The following FRMD4A variants were observed in gnomAD, a reference collection of about 807,000 sequenced individuals.
FRMD4A encodes FERM domain-containing protein 4A.
In FRMD4A, 29 loss-of-function variants were observed where a neutral mutation model predicts 129.1. That is an observed-to-expected ratio of 0.22 (90% CI 0.17 to 0.31). FRMD4A has a LOEUF of 0.31. Ranked by LOEUF, FRMD4A falls within the 10% of genes least tolerant of loss-of-function variation. The probability of loss-of-function intolerance (pLI) is 1.00; values close to 1 mark genes in which losing one functional copy is unlikely to be tolerated. For synonymous variants in FRMD4A, 634 were observed against 571.6 expected (o/e 1.11, Z -1.56); for missense variants, 1,272 against 1,375.8 (o/e 0.92, Z 1.19).
intron 2 of FRMD4A, among the ~76,000 whole-genome samples, chr10:14,162,878 A>T (rs1306126379): frequency 2.6e-5 from 4 of 152,090 alleles, no homozygotes; most frequent in Non-Finnish European, 5.9e-5. Flanking sequence ...CAACCTGTAA[A>T]ATAAATTACA....
chr10:13,691,198 G>A (rs967011439), intron 15 of FRMD4A, among the ~76,000 whole-genome samples: 18 of 152,222 alleles, frequency 1.2e-4, no homozygotes, highest in African/African-American at 4.3e-4. Flanking sequence ...ACGTTAGCCA[G>A]GCTGGTCTCT....
intron 2 of FRMD4A, among the ~76,000 whole-genome samples, chr10:14,045,608 T>A (rs1833954981): frequency 1.3e-5 from 2 of 148,252 alleles, no homozygotes; most frequent in African/African-American, 4.9e-5. Context: ...TATATTACTA[T>A]AATTATGTAT....
At chr10:13,717,028 C>G (rs2088874507) in intron 12 of FRMD4A, among the ~76,000 whole-genome samples, 1 of 152,284 alleles carries the variant, frequency 6.6e-6, no homozygotes, top group East Asian at 1.9e-4. Flanking sequence ...GGTTGAATGG[C>G]TGAAGCTGTC....
intron 2 of FRMD4A, among the ~76,000 whole-genome samples, chr10:14,211,967 A>G (rs1414691767): frequency 6.6e-6 from 1 of 152,194 alleles, no homozygotes; most frequent in Non-Finnish European, 1.5e-5. Context: ...TCTGTGATGG[A>G]GACCTGTGTG....
chr10:13,901,706 A>C (rs74121774), intron 2 of FRMD4A, among the ~76,000 whole-genome samples: 2,291 of 152,236 alleles, frequency 0.015, 66 homozygotes, highest in African/African-American at 0.052. Flanking sequence ...AAGTGACATC[A>C]ATCTACCAAT....
chr10:13,843,855 A>G (rs1274332330), intron 3 of FRMD4A, among the ~76,000 whole-genome samples: 2 of 152,170 alleles, frequency 1.3e-5, no homozygotes, highest in Non-Finnish European at 2.9e-5. Flanking sequence ...CTGCTGGGGC[A>G]TCCCAGCAGC....
At chr10:13,982,499 G>T (rs1359802265) in intron 2 of FRMD4A, among the ~76,000 whole-genome samples, 4 of 130,838 alleles carry the variant, frequency 3.1e-5, no homozygotes, top group African/African-American at 1.3e-4. Flanking sequence ...GGGAGGGGAG[G>T]GGGGGGAAGG....
At chr10:14,283,139 CA>C (rs1169462449) in intron 2 of FRMD4A, among the ~76,000 whole-genome samples, 1 of 152,214 alleles carries the variant, frequency 6.6e-6, no homozygotes, top group East Asian at 1.9e-4. Context: ...TATCAAACAA[CA>C]GTGTCAACAG....
At chr10:13,673,422 C>T (rs978368219) in intron 16 of FRMD4A, among the ~76,000 whole-genome samples, 6 of 152,138 alleles carry the variant, frequency 3.9e-5, no homozygotes, top group East Asian at 1.9e-4. Flanking sequence ...GAGGGGTATA[C>T]GTCTCTTTGA....
chr10:14,261,044 G>T (rs1844783451), intron 2 of FRMD4A, among the ~76,000 whole-genome samples: 1 of 152,136 alleles, frequency 6.6e-6, no homozygotes, highest in African/African-American at 2.4e-5. Flanking sequence ...CATACAAAAT[G>T]GGATCTGGTC....
At chr10:13,819,101 C>T (rs562527872) in intron 3 of FRMD4A, among the ~76,000 whole-genome samples, 1 of 151,250 alleles carries the variant, frequency 6.6e-6, no homozygotes, top group South Asian at 2.1e-4. Flanking sequence ...ACCCTCCAGC[C>T]TGGGTGACAG....
intron 2 of FRMD4A, among the ~76,000 whole-genome samples, chr10:13,979,510 G>T: frequency 6.6e-6 from 1 of 152,224 alleles, no homozygotes; most frequent in South Asian, 2.1e-4. Flanking sequence ...GTGAGGAGCA[G>T]CAAGTCAGTG....
At chr10:13,775,510 T>A (rs1290693202) in intron 6 of FRMD4A, among the ~76,000 whole-genome samples, 1 of 152,156 alleles carries the variant, frequency 6.6e-6, no homozygotes, top group Non-Finnish European at 1.5e-5. Context: ...TATGCCAGTA[T>A]CCAAACATTT....
rs368370651 is a variant in FRMD4A at position 13,679,652 on chromosome 10, C to A, written c.1118-4608G>T. Reference sequence around the variant, plus strand: ...ACGTTCCTCAAAACAGAGCAGCTCCCCGTGAACCTGCTGCATGTATTCAGG... The same window carrying A: ...ACGTTCCTCAAAACAGAGCAGCTCCACGTGAACCTGCTGCATGTATTCAGG... On this transcript the variant is annotated intron_variant, in intron 15 of 24. Coordinates refer to ENST00000357447, the MANE Select transcript of FRMD4A (RefSeq NM_018027.5). 4.6e-5 allele frequency among the ~76,000 whole-genome samples: 7 copies of A among 151,134 alleles called. No individual in the cohort carries two copies. In the East Asian group the frequency reaches 5.8e-4, roughly 13 times the overall value.
chr10:13,808,603 C>T (rs184719811), intron 4 of FRMD4A, among the ~76,000 whole-genome samples: 1 of 152,364 alleles, frequency 6.6e-6, no homozygotes, highest in East Asian at 1.9e-4. Context: ...ACCGCCAGGA[C>T]TGACAGCCCT....
At chr10:13,733,233 A>G (rs1217168836) in intron 12 of FRMD4A, among the ~76,000 whole-genome samples, 1 of 152,198 alleles carries the variant, frequency 6.6e-6, no homozygotes, top group African/African-American at 2.4e-5. Context: ...TGGCCTTTTT[A>G]TAATGGTGAT....
chr10:13,975,649 A>G (rs796703461), intron 2 of FRMD4A, among the ~76,000 whole-genome samples: 1 of 146,004 alleles, frequency 6.8e-6, no homozygotes, highest in African/African-American at 2.6e-5. Flanking sequence ...GTGAATCTCT[A>G]TGTGTGTTTG....
At chr10:13,666,806 G>A (rs1253283700) in intron 17 of FRMD4A, among the ~76,000 whole-genome samples, 1 of 151,928 alleles carries the variant, frequency 6.6e-6, no homozygotes, top group East Asian at 1.9e-4. Flanking sequence ...CTCACACTGT[G>A]TGCCCCTCAC....
chr10:13,686,525 G>A (rs552077482), intron 15 of FRMD4A, among the ~76,000 whole-genome samples: 1 of 152,312 alleles, frequency 6.6e-6, no homozygotes, highest in East Asian at 1.9e-4. Flanking sequence ...GAATGTGGAC[G>A]GATCCCAGGC....
Sources: allele counts gnomAD v4.1 joint callset (sites outside exome capture counted in the v4.1 genomes callset), GRCh38; gene constraint gnomAD v4.1.1; transcripts MANE v1.5; gene names NCBI Gene and HGNC (gene_info 2026-07-23, HGNC 2026-07-21).